SYTL3: variants seen among roughly 807,000 people sequenced by gnomAD.
SYTL3 encodes the protein synaptotagmin like 3, also known as synaptotagmin-like protein 3.
SYTL3 carries 88 observed loss-of-function variants against 82.1 expected under a neutral mutation model. That is an observed-to-expected ratio of 1.07 (90% CI 0.90 to 1.28). The LOEUF is 1.28. Ranked by LOEUF, SYTL3 falls within the 50% of genes most tolerant of loss-of-function variation. The pLI is 0.00. For missense variants in SYTL3, 831 were observed against 757.6 expected, an observed-to-expected ratio of 1.10 and a Z score of -1.14; for synonymous variants, 311 against 289.4, an observed-to-expected ratio of 1.07 and a Z score of -0.76.
At chr6:158,719,936 A>G (rs916707928) in intron 10 of SYTL3, among the ~76,000 whole-genome samples, 3 of 152,046 alleles carry the variant, frequency 2.0e-5, no homozygotes, top group Non-Finnish European at 4.4e-5. Flanking sequence ...CAAAAATACA[A>G]ATATTAGCCG....
chr6:158,746,447 A>ATTATTATTATTATTAT (rs1554263731), intron 12 of SYTL3, among the ~76,000 whole-genome samples: 3 of 120,930 alleles, frequency 2.5e-5, no homozygotes, highest in Non-Finnish European at 5.7e-5. Flanking sequence ...CATTATAATA[A>ATTATTATTATTATTAT]TAATAATAAT....
At chr6:158,753,081 T>C (rs1411411049) in intron 13 of SYTL3, among the ~76,000 whole-genome samples, 12 of 144,916 alleles carry the variant, frequency 8.3e-5, no homozygotes, top group Admixed American at 4.1e-4. Flanking sequence ...TCTTTTCTTT[T>C]TTTTTTTTTT....
chr6:158,688,833 A>G (rs1022253791), intron 6 of SYTL3, among the ~76,000 whole-genome samples: 1 of 152,214 alleles, frequency 6.6e-6, no homozygotes, highest in African/African-American at 2.4e-5. Context: ...TTTAGGTTGA[A>G]CCATAAGAAA....
chr6:158,658,788 G>A lies in SYTL3; in HGVS notation c.-636-2481G>A, dbSNP rs1249448510. On this transcript the variant is annotated intron_variant, in intron 2 of 17. Transcript: ENST00000611299. ...AAAAATACAAAAAAAAATTAGCCAG[G>A]CATGGAGGCACACGCCTGTAGTCGC... Among the ~76,000 whole-genome samples, 7 of 152,094 alleles carry A rather than the reference G, an allele frequency of 4.6e-5. No homozygotes were observed. The East Asian group carries it at 1.4e-3, about 29-fold the overall frequency.
chr6:158,679,497 A>ATT (rs1197491323), intron 5 of SYTL3, among the ~76,000 whole-genome samples: 2 of 152,212 alleles, frequency 1.3e-5, no homozygotes, highest in African/African-American at 2.4e-5. Flanking sequence ...CAAACCTAGT[A>ATT]TTCAAAGCAA....
At chr6:158,696,579 T>G (rs1441114060) in intron 6 of SYTL3, among the ~76,000 whole-genome samples, 1 of 152,134 alleles carries the variant, frequency 6.6e-6, no homozygotes, top group Non-Finnish European at 1.5e-5. Flanking sequence ...GGTATCTTGT[T>G]GTGGCTTTGA....
intron 11 of SYTL3, among the ~76,000 whole-genome samples, chr6:158,726,974 C>T (rs1162757808): frequency 1.3e-5 from 2 of 151,656 alleles, no homozygotes; most frequent in African/African-American, 4.8e-5. Context: ...CTCAGCCTCC[C>T]AAGTAGCTGG....
chr6:158,669,916 A>G (rs1208167996), intron 5 of SYTL3, among the ~76,000 whole-genome samples: 1 of 152,264 alleles, frequency 6.6e-6, no homozygotes, highest in Admixed American at 6.5e-5. Flanking sequence ...AGCCTGGCCA[A>G]CATAGTGAGA....
intron 5 of SYTL3, 38 bp downstream of exon 5, chr6:158,665,651 C>T (rs2128370081): frequency 6.8e-7 from 1 of 1,477,802 alleles, no homozygotes; most frequent in East Asian, 2.5e-5. Context: ...CCCACTGATT[C>T]AGGTCTCGGA....
chr6:158,712,249 C>T (rs1266871531), intron 8 of SYTL3, among the ~76,000 whole-genome samples: 1 of 151,700 alleles, frequency 6.6e-6, no homozygotes, highest in African/African-American at 2.4e-5. Flanking sequence ...TCCTTGGGCC[C>T]CTGGTTGAGT....
At position 158,708,372 on chromosome 6, in the gene SYTL3, G is replaced by A; in HGVS notation, c.497G>A (p.Cys166Tyr). ...CCACCTCCTGTCAGCGAGAGCCAGT[G>A]CAGCCGCAGTCCTGGCAGGGTAACG... ...PTPPPVSESQ[C>Y]SRSPGRLQEF... is the part of the protein sequence containing the mutation. Residue 166 changes from cysteine (C) to tyrosine (Y), a missense_variant, in exon 8 of 18, where the codon TGC (cysteine) becomes TAC (tyrosine). Coordinates refer to ENST00000611299, the MANE Select transcript of SYTL3 (RefSeq NM_001242394.2). 6.2e-7 allele frequency: 1 copy of A among 1,614,156 alleles called. No individual in the cohort carries two copies. The highest frequency in any genetic ancestry group is 8.5e-7 in the Non-Finnish European group (1 of 1,180,008).
chr6:158,749,068 A>G lies in SYTL3; in HGVS notation c.1035-2860A>G, dbSNP rs370369888. ...GAAACCCCGTCTCTACTAAAAATAC[A>G]GAGAAAATTAGCCAGGCATGGTGGC... On this transcript the variant is annotated intron_variant, in intron 12 of 17. Transcript: ENST00000611299. Among the ~76,000 whole-genome samples, 17 of 149,710 alleles carry G rather than the reference A, an allele frequency of 1.1e-4. No individual in the cohort carries two copies. The East Asian group carries it at 1.8e-3, about 16-fold the overall frequency.
rs766505086 is a variant in SYTL3, at chr6:158,713,838, C to T, written c.555C>T (p.Ser185=). The change falls in exon 9 of 18, where the codon TCC becomes TCT. Residue 185 remains serine, a synonymous_variant. Coordinates refer to ENST00000611299, the MANE Select transcript of SYTL3 (RefSeq NM_001242394.2). ...GTCAGTTTAGAGGATTTAATAAGTCCGTGGAAAATTTGTTTCTGTCTCTTG... is the reference window on the plus strand; with the variant it reads ...GTCAGTTTAGAGGATTTAATAAGTCTGTGGAAAATTTGTTTCTGTCTCTTG... ...EFGQFRGFNK[S]VENLFLSLAT... 4.1e-5 allele frequency: 64 copies of T among 1,550,556 alleles called. No homozygotes were observed. The highest frequency in any genetic ancestry group is 9.8e-5 in the East Asian group (4 of 40,928).
intron 4 of SYTL3, chr6:158,663,654 C>G: frequency 1.0e-6 from 1 of 968,604 alleles, no homozygotes; most frequent in Non-Finnish European, 1.2e-6. Context: ...ATCTGCTTGT[C>G]TGTTTGCCGA....
At chr6:158,746,578 G>C (rs1437500855) in intron 12 of SYTL3, among the ~76,000 whole-genome samples, 1 of 151,310 alleles carries the variant, frequency 6.6e-6, no homozygotes, top group African/African-American at 2.4e-5. Flanking sequence ...TGATTCTCCT[G>C]CCTCAGTCTC....
At position 158,750,731 on chromosome 6, in the gene SYTL3, G is replaced by A. The variant is rs11963944; in HGVS notation, c.1035-1197G>A. Among the ~76,000 whole-genome samples, 1,356 of 152,214 alleles carry A rather than the reference G, an allele frequency of 8.9e-3. 16 individuals carry two copies. Among genetic ancestry groups the A allele is most frequent in the African/African-American group, 0.03 (1,260 of 41,530 alleles). On this transcript the variant is annotated intron_variant, in intron 12 of 17. Transcript: ENST00000611299. ...TGAGTTCTCCCTGTGTATTGCCCAC[G>A]CTGGTCTCAAATTCCTGGCTTATGG...
intron 12 of SYTL3, among the ~76,000 whole-genome samples, chr6:158,749,051 G>C (rs1253907893): frequency 1.3e-5 from 2 of 150,248 alleles, no homozygotes; most frequent in Non-Finnish European, 3.0e-5. Flanking sequence ...GTGAAACCCC[G>C]TCTCTACTAA....
chr6:158,714,118 C>T (rs1783070625), intron 9 of SYTL3, among the ~76,000 whole-genome samples: 1 of 152,150 alleles, frequency 6.6e-6, no homozygotes, highest in African/African-American at 2.4e-5. Flanking sequence ...TTTGGGAGGC[C>T]AAGGTGGGTG....
intron 15 of SYTL3, 60 bp downstream of exon 15, chr6:158,760,805 G>C: frequency 1.5e-6 from 2 of 1,373,842 alleles, no homozygotes; most frequent in Non-Finnish European, 2.1e-6. Flanking sequence ...GCCTGGTGCT[G>C]CAGGCAGACT....
Sources: gnomAD v4.1 joint callset for allele counts (sites outside exome capture counted in the v4.1 genomes callset) on GRCh38, gnomAD v4.1.1 for gene constraint, MANE v1.5 for transcripts, NCBI Gene and HGNC (gene_info 2026-07-23, HGNC 2026-07-21) for gene names.